The following PDS5B variants were observed in gnomAD, a reference collection of about 807,000 sequenced individuals.
PDS5B encodes the protein PDS5 cohesin associated factor B, also known as sister chromatid cohesion protein PDS5 homolog B.
A neutral mutation model predicts 184.1 loss-of-function variants in PDS5B; 51 were observed. The observed-to-expected ratio is 0.28, with a 90% CI of 0.22 to 0.35. The LOEUF (loss-of-function observed/expected upper bound fraction) is 0.35. PDS5B is among the 10% of genes least tolerant of loss of function. PDS5B has a pLI of 1.00. For missense variants in PDS5B, 1,180 were observed against 1,723.3 expected (o/e 0.68, Z 5.58); for synonymous variants, 566 against 569.2 (o/e 0.99, Z 0.08).
chr13:32,694,328 A>G lies in PDS5B; in HGVS notation c.1551+24A>G, dbSNP rs368454073. On this transcript the variant is annotated intron_variant, in intron 14 of 34. Transcript: ENST00000315596. The stretch of plus-strand genomic sequence containing the variant: ...AAGTAAGTAAGAATTTTTTCCTTCA[A>G]TGTTTTTTAAAACACATGTATTTTA... 11 of 1,428,226 alleles carry G rather than the reference A, an allele frequency of 7.7e-6. No homozygotes were observed. The African/African-American group carries it at 1.6e-4, about 20-fold the overall frequency. 88.5% of individuals were successfully genotyped at this position (1,428,226 alleles called of 1,614,324 possible).
chr13:32,749,054 T>C (rs1230078124), intron 24 of PDS5B, among the ~76,000 whole-genome samples: 1 of 152,216 alleles, frequency 6.6e-6, no homozygotes, highest in East Asian at 1.9e-4. Flanking sequence ...GGTTGATGCT[T>C]GTAAAAACAA....
At chr13:32,616,785 C>G (rs975009001) in intron 1 of PDS5B, among the ~76,000 whole-genome samples, 1 of 152,138 alleles carries the variant, frequency 6.6e-6, no homozygotes, top group African/African-American at 2.4e-5. Flanking sequence ...TTCAAGAATC[C>G]TAACATATTG....
intron 6 of PDS5B, among the ~76,000 whole-genome samples, chr13:32,661,775 G>C (rs1328180540): frequency 6.6e-6 from 1 of 152,070 alleles, no homozygotes; most frequent in East Asian, 1.9e-4. Flanking sequence ...AAAGCACCCA[G>C]AATGTAAAGG....
At chr13:32,742,848 C>A in intron 23 of PDS5B, 121 bp downstream of exon 23, 1 of 877,128 alleles carries the variant, frequency 1.1e-6, no homozygotes, top group Non-Finnish European at 1.8e-6. Context: ...TGTACATGTG[C>A]ATATATTTTT....
intron 19 of PDS5B, among the ~76,000 whole-genome samples, chr13:32,713,950 C>T (rs919196238): frequency 7.9e-5 from 12 of 152,050 alleles, no homozygotes; most frequent in Non-Finnish European, 1.6e-4. Context: ...AAGCGGCGGC[C>T]GGCTTGAGAA....
chr13:32,629,243 T>G (rs2058419116), intron 1 of PDS5B, among the ~76,000 whole-genome samples: 1 of 152,234 alleles, frequency 6.6e-6, no homozygotes, highest in Admixed American at 6.5e-5. Flanking sequence ...GAAGAATCAT[T>G]GCTCCGAGTT....
intron 10 of PDS5B, among the ~76,000 whole-genome samples, chr13:32,683,365 G>C (rs1204503780): frequency 2.1e-5 from 3 of 142,600 alleles, no homozygotes; most frequent in Admixed American, 7.4e-5. Context: ...TTGTTGCCCA[G>C]GCTGAAGTGC....
At chr13:32,729,450 G>C (rs897780028) in intron 19 of PDS5B, among the ~76,000 whole-genome samples, 3 of 152,036 alleles carry the variant, frequency 2.0e-5, no homozygotes, top group Non-Finnish European at 4.4e-5. Flanking sequence ...ATAATCCTTT[G>C]GGTATATACC....
At chr13:32,678,763 A>T (rs1951145044) in intron 9 of PDS5B, 72 bp from the exon 10 acceptor site, 2 of 861,532 alleles carry the variant, frequency 2.3e-6, no homozygotes, top group African/African-American at 1.7e-5. Flanking sequence ...ATAAATGTAA[A>T]TTGGGTACAG....
intron 21 of PDS5B, 96 bp downstream of exon 21, chr13:32,735,426 C>A (rs17516382): frequency 9.2e-6 from 7 of 757,574 alleles, no homozygotes; most frequent in African/African-American, 1.8e-5. Context: ...ATAATACTTC[C>A]ATTTGACTGC....
In PDS5B at chr13:32,777,345, T is replaced by TA. The variant is rs1954984207; in HGVS notation, c.*2293_*2294insA. ...ATTACGATGTAAATTTTTCTTTTCT[T>TA]TCTTTCTTTTTTTTTTTTTTTGTGT... On this transcript the variant is annotated 3_prime_UTR_variant, in exon 35 of 35. Transcript: ENST00000315596. 7.9e-6 allele frequency: 1 copy of TA among 126,332 alleles called. No individual in the cohort carries two copies. Among genetic ancestry groups the TA allele is most frequent in the Non-Finnish European group, 1.8e-5 (1 of 56,868 alleles). The allele number at this position is 126,332 out of a possible 1,614,324, so 7.8% of individuals were successfully genotyped here.
intron 23 of PDS5B, among the ~76,000 whole-genome samples, chr13:32,745,677 T>A (rs1396566522): frequency 1.3e-5 from 2 of 152,164 alleles, no homozygotes; most frequent in Non-Finnish European, 2.9e-5. Flanking sequence ...GACTTCTTGC[T>A]GTGTCCTCAA....
intron 1 of PDS5B, among the ~76,000 whole-genome samples, chr13:32,615,564 T>C (rs2058205881): frequency 6.6e-6 from 1 of 152,200 alleles, no homozygotes; most frequent in Non-Finnish European, 1.5e-5. Context: ...TTTTTAGTTG[T>C]GTCGTTTTTA....
chr13:32,706,844 A>T, intron 17 of PDS5B, 90 bp from the exon 18 acceptor site: 1 of 663,536 alleles, frequency 1.5e-6, no homozygotes, highest in Non-Finnish European at 2.6e-6. Context: ...ATATGTATAT[A>T]TGTATGTGCA....
chr13:32,683,826 A>T, intron 10 of PDS5B, 52 bp from the exon 11 acceptor site: 1 of 1,260,688 alleles, frequency 7.9e-7, no homozygotes, highest in Non-Finnish European at 1.1e-6. Context: ...GCAGTGTTTT[A>T]AAAATATTTT....
chr13:32,627,923 GT>G (rs1287743876), intron 1 of PDS5B, among the ~76,000 whole-genome samples: 1 of 152,112 alleles, frequency 6.6e-6, no homozygotes, highest in East Asian at 1.9e-4. Flanking sequence ...GGGTGATACT[GT>G]ATGATTGTAT....
Position 32,611,714 on chromosome 13 carries a change from G to A in PDS5B, c.-20+25121G>A, listed in dbSNP as rs922599510. Among the ~76,000 whole-genome samples the A allele has an allele frequency of 5.3e-5, 8 of 151,858 alleles. No homozygotes were observed. In the East Asian group the frequency reaches 1.6e-3, roughly 29 times the overall value. The stretch of plus-strand genomic sequence containing the variant: ...TGTAGATACGGGGTTTTACCTTGTT[G>A]CCCAGGCTGGTCTTGAACTCCTGGG... On this transcript the variant is annotated intron_variant, in intron 1 of 34. Coordinates refer to ENST00000315596, the MANE Select transcript of PDS5B (RefSeq NM_015032.4).
chr13:32,692,416 T>A (rs879411705), intron 13 of PDS5B, among the ~76,000 whole-genome samples: 799 of 58,852 alleles, frequency 0.014, 66 homozygotes, highest in African/African-American at 0.064. Context: ...CCAAAAAGCC[T>A]TTTTTTTTTT....
chr13:32,722,120 C>T (rs571435423), intron 19 of PDS5B, among the ~76,000 whole-genome samples: 6 of 152,314 alleles, frequency 3.9e-5, no homozygotes, highest in Admixed American at 6.5e-5. Context: ...CTTGGGAGGC[C>T]GAGGCGGGCA....
Sources: allele counts gnomAD v4.1 joint callset (sites outside exome capture counted in the v4.1 genomes callset), GRCh38; gene constraint gnomAD v4.1.1; transcripts MANE v1.5; gene names NCBI Gene and HGNC (gene_info 2026-07-23, HGNC 2026-07-21).